The following FGF14 variants were observed in gnomAD, a reference collection of about 807,000 sequenced individuals.
FGF14 encodes fibroblast growth factor homologous factor 4.
Under a neutral mutation model 25.5 loss-of-function variants are expected in FGF14, and 5 were observed. The ratio of observed to expected loss-of-function variants is 0.20; its 90% CI spans 0.10 to 0.41. FGF14 has a LOEUF of 0.41. FGF14 is among the 10% of genes least tolerant of loss of function. FGF14 has a pLI of 1.00. For synonymous variants in FGF14, 138 were observed against 118.3 expected (o/e 1.17, Z -1.08); for missense variants, 222 against 320.1 (o/e 0.69, Z 2.34).
chr13:101,992,903 G>A (rs1488449723), intron 1 of FGF14, among the ~76,000 whole-genome samples: 2 of 151,514 alleles, frequency 1.3e-5, no homozygotes, highest in African/African-American at 2.4e-5. Flanking sequence ...GAAAAGAACA[G>A]AAATATTTGA....
intron 1 of FGF14, chr13:102,293,743 T>A (rs995703218): frequency 6.6e-6 from 1 of 152,206 alleles, no homozygotes; most frequent in African/African-American, 2.4e-5. Flanking sequence ...ATAAATCCCC[T>A]TTTGTTTTGA....
upstream of FGF14, among the ~76,000 whole-genome samples, chr13:101,921,520 G>T (rs2034006379): frequency 6.6e-6 from 1 of 152,100 alleles, no homozygotes. Flanking sequence ...GTATATATTT[G>T]TGTAAGATCT....
Position 101,916,624 on chromosome 13 carries a change from C to T in FGF14, c.22G>A (p.Gly8Ser). The change falls in exon 1 of 5, where the codon GGC (glycine) becomes AGC (serine). Residue 8 changes from glycine to serine, a missense_variant. This residue lies in a region of FGF14 where 11 missense variants were observed against 26.6 expected (regional missense o/e 0.41). Coordinates refer to ENST00000376143, the MANE Select transcript of FGF14 (RefSeq NM_004115.4). MAAAIASGLIRQKRQARE... is the reference protein window; with the variant it reads MAAAIASSLIRQKRQARE... Reference sequence around the variant, plus strand: ...GCCTGCCGCTTCTGGCGGATCAAGCCGCTAGCGATGGCCGCGGCCATGGTG... The same window carrying T: ...GCCTGCCGCTTCTGGCGGATCAAGCTGCTAGCGATGGCCGCGGCCATGGTG... 1.3e-6 allele frequency: 2 copies of T among 1,584,274 alleles called. No homozygotes were observed. The highest frequency in any genetic ancestry group is 1.7e-6 in the Non-Finnish European group (2 of 1,162,490).
intron 1 of FGF14, among the ~76,000 whole-genome samples, chr13:101,994,766 G>T (rs1041883417): frequency 5.9e-5 from 9 of 151,956 alleles, no homozygotes; most frequent in African/African-American, 2.2e-4. Flanking sequence ...TATATTTCAT[G>T]CTATCCCTTA....
chr13:101,994,222 A>T (rs1039860666), intron 1 of FGF14, among the ~76,000 whole-genome samples: 5 of 152,054 alleles, frequency 3.3e-5, no homozygotes, highest in Admixed American at 6.6e-5. Context: ...AATGATTGTT[A>T]TATGGCATTT....
At chr13:102,050,000 C>T (rs1211654964) in intron 1 of FGF14, among the ~76,000 whole-genome samples, 1 of 152,178 alleles carries the variant, frequency 6.6e-6, no homozygotes, top group African/African-American at 2.4e-5. Context: ...GTTTGGGACA[C>T]TTTGTTATGA....
At chr13:101,963,801 G>A (rs570247331) in intron 1 of FGF14, among the ~76,000 whole-genome samples, 1 of 152,252 alleles carries the variant, frequency 6.6e-6, no homozygotes, top group South Asian at 2.1e-4. Context: ...TGTTAGTCAT[G>A]GGAGATACAG....
intron 1 of FGF14, among the ~76,000 whole-genome samples, chr13:102,101,140 C>T (rs2044645119): frequency 1.3e-5 from 2 of 151,978 alleles, no homozygotes; most frequent in Admixed American, 1.3e-4. Context: ...AAGTGACTTG[C>T]CCCAAATCAC....
At chr13:101,771,865 T>G (rs1489006818) in intron 3 of FGF14, among the ~76,000 whole-genome samples, 1 of 152,046 alleles carries the variant, frequency 6.6e-6, no homozygotes, top group Non-Finnish European at 1.5e-5. Context: ...CTCTTAAATT[T>G]GAGAGTTTAG....
At chr13:102,148,204 TAA>T (rs2046933836) in intron 1 of FGF14, among the ~76,000 whole-genome samples, 1 of 152,230 alleles carries the variant, frequency 6.6e-6, no homozygotes, top group South Asian at 2.1e-4. Flanking sequence ...AAATTCAATG[TAA>T]CTTGGGGGGA....
chr13:102,106,829 G>A (rs985572880), intron 1 of FGF14, among the ~76,000 whole-genome samples: 1 of 152,132 alleles, frequency 6.6e-6, no homozygotes. Context: ...ATTATGGCTT[G>A]TAGTTTATAA....
chr13:101,959,732 T>C (rs1039950574), intron 1 of FGF14, among the ~76,000 whole-genome samples: 1 of 152,190 alleles, frequency 6.6e-6, no homozygotes, highest in African/African-American at 2.4e-5. Flanking sequence ...CTATTTGACA[T>C]TTACTTTATT....
intron 1 of FGF14, among the ~76,000 whole-genome samples, chr13:102,143,662 A>G (rs1201750295): frequency 6.6e-6 from 1 of 152,240 alleles, no homozygotes; most frequent in African/African-American, 2.4e-5. Flanking sequence ...CAGTTATTCA[A>G]GCTTTAACCC....
intron 3 of FGF14, among the ~76,000 whole-genome samples, chr13:101,756,778 C>G (rs2037692405): frequency 6.6e-6 from 1 of 152,040 alleles, no homozygotes; most frequent in African/African-American, 2.4e-5. Flanking sequence ...AAACAAAAAA[C>G]TGTCCTAGAA....
intron 1 of FGF14, among the ~76,000 whole-genome samples, chr13:102,257,367 T>TC: frequency 6.9e-6 from 1 of 144,424 alleles, no homozygotes; most frequent in East Asian, 2.0e-4. Flanking sequence ...TTTTTTTTTT[T>TC]TCGAGACGGA....
chr13:102,392,949 C>T (rs1191494687), intron 1 of FGF14, among the ~76,000 whole-genome samples: 1 of 152,152 alleles, frequency 6.6e-6, no homozygotes, highest in African/African-American at 2.4e-5. Flanking sequence ...ACGATCTGTG[C>T]CTCACTACCT....
At chr13:102,134,447 C>G (rs1337414959) in intron 1 of FGF14, among the ~76,000 whole-genome samples, 3 of 152,176 alleles carry the variant, frequency 2.0e-5, no homozygotes, top group Non-Finnish European at 4.4e-5. Context: ...CCCATACAGG[C>G]AAGCATGTAT....
intron 3 of FGF14, among the ~76,000 whole-genome samples, chr13:101,788,933 G>C (rs1475426523): frequency 1.9e-5 from 1 of 52,292 alleles, no homozygotes; most frequent in East Asian, 9.1e-4. Context: ...GAGAGAGAGA[G>C]AGAGAGAGAG....
intron 1 of FGF14, among the ~76,000 whole-genome samples, chr13:102,059,332 A>C (rs527714236): frequency 2.6e-4 from 40 of 152,194 alleles, no homozygotes; most frequent in Non-Finnish European, 5.6e-4. Context: ...AATCACAATG[A>C]AAGACAGAGG....
Sources: allele counts gnomAD v4.1 joint callset (sites outside exome capture counted in the v4.1 genomes callset), GRCh38; gene constraint gnomAD v4.1.1; regional missense constraint gnomAD v4.1.1; transcripts MANE v1.5; gene names NCBI Gene and HGNC (gene_info 2026-07-23, HGNC 2026-07-21).